ZMYM2: variants seen among roughly 807,000 people sequenced by gnomAD.
ZMYM2 encodes the protein zinc finger MYM-type protein 2.
Under a neutral mutation model 162.8 loss-of-function variants are expected in ZMYM2, and 56 were observed. The observed-to-expected ratio is 0.34, with a 90% confidence interval of 0.28 to 0.43. The LOEUF (loss-of-function observed/expected upper bound fraction) is 0.43. Among genes scored for constraint, ZMYM2 ranks in the 20% least tolerant of loss-of-function variants. ZMYM2 has a pLI of 1.00. For missense variants in ZMYM2, 1,275 were observed against 1,621.8 expected, an observed-to-expected ratio of 0.79 and a Z score of 3.67; for synonymous variants, 510 against 541.6, an observed-to-expected ratio of 0.94 and a Z score of 0.81.
chr13:19,917,982 G>A, the ZMYM2 span, among the ~76,000 whole-genome samples: 1 of 151,870 alleles, frequency 6.6e-6, no homozygotes, highest in African/African-American at 2.4e-5. Context: ...ACTTGAGTCC[G>A]GGAGATGGAA....
chr13:19,886,946 G>A, the ZMYM2 span, among the ~76,000 whole-genome samples: 1 of 151,450 alleles, frequency 6.6e-6, no homozygotes, highest in African/African-American at 2.4e-5. Flanking sequence ...ACAGACATGA[G>A]CCACCATGCC....
At chr13:19,940,690 A>T in the ZMYM2 span, among the ~76,000 whole-genome samples, 1 of 152,198 alleles carries the variant, frequency 6.6e-6, no homozygotes, top group African/African-American at 2.4e-5. Context: ...CATTTCCTTG[A>T]CTACAATTCA....
chr13:19,947,362 A>G, the ZMYM2 span, among the ~76,000 whole-genome samples: 140 of 148,700 alleles, frequency 9.4e-4, 1 homozygote, highest in Middle Eastern at 7.5e-3. Context: ...GCCCAGCCCA[A>G]TGTTTTAGGA....
the ZMYM2 span, among the ~76,000 whole-genome samples, chr13:19,908,220 G>A: frequency 6.6e-5 from 10 of 152,138 alleles, no homozygotes; most frequent in African/African-American, 1.2e-4. Context: ...CCCAGGAAGC[G>A]GAGGTTGCAG....
chr13:20,034,314 A>C lies in ZMYM2; in HGVS notation c.2029A>C (p.Ile677Leu), dbSNP rs769217602. The C allele has an allele frequency of 1.2e-6, 2 of 1,611,646 alleles. No individual in the cohort carries two copies. The highest frequency in any genetic ancestry group is 1.7e-6 in the Non-Finnish European group (2 of 1,179,148). Residue 677 changes from isoleucine to leucine, a missense_variant, in exon 11 of 25, where the codon ATA (isoleucine) becomes CTA (leucine). Around this residue, in one of 10 missense-constraint regions of ZMYM2, gnomAD observed 276 missense variants for 311.8 expected, o/e 0.89. Coordinates refer to ENST00000610343, the MANE Select transcript of ZMYM2 (RefSeq NM_197968.4). Reference protein sequence around the residue: ...CSDDYKKLHCIVTYCEYCQEE... With the variant: ...CSDDYKKLHCLVTYCEYCQEE... The stretch of plus-strand genomic sequence containing the variant: ...AGATGACTATAAGAAGTTGCATTGC[A>C]TAGTTACATATTGCGAATACTGTCA...
chr13:20,061,574 C>T (rs975589112), intron 17 of ZMYM2, among the ~76,000 whole-genome samples: 3 of 151,646 alleles, frequency 2.0e-5, no homozygotes, highest in African/African-American at 7.3e-5. Flanking sequence ...TAATAGTTAT[C>T]CCTAGTTTTT....
At chr13:20,050,551 G>A (rs2140556786) in intron 12 of ZMYM2, among the ~76,000 whole-genome samples, 1 of 151,988 alleles carries the variant, frequency 6.6e-6, no homozygotes, top group East Asian at 1.9e-4. Flanking sequence ...CTTAAATTAT[G>A]AAAAGAACTG....
intron 7 of ZMYM2, chr13:20,025,030 A>C: frequency 4.7e-6 from 1 of 213,558 alleles, no homozygotes; most frequent in Non-Finnish European, 9.5e-6. Flanking sequence ...CTTTTTCTTG[A>C]TGTTGATTGT....
chr13:19,920,531 A>G, the ZMYM2 span, among the ~76,000 whole-genome samples: 1 of 146,404 alleles, frequency 6.8e-6, no homozygotes, highest in African/African-American at 2.5e-5. Context: ...AAAAAGAGAG[A>G]CGGGAAGGAG....
At position 20,078,764 on chromosome 13, in the gene ZMYM2, T is replaced by C. The variant is rs573481163; in HGVS notation, c.3454-3252T>C. On this transcript the variant is annotated intron_variant, in intron 21 of 24. Transcript: ENST00000610343. ...ATTGGTATTTTTAAAATGTTAAATA[T>C]TTTTATATTATATGTTGGGATTACA... 1.6e-4 allele frequency among the ~76,000 whole-genome samples: 25 copies of C among 152,254 alleles called. No homozygotes were observed. The South Asian group carries it at 3.7e-3, about 23-fold the overall frequency.
At chr13:20,019,524 A>C in intron 6 of ZMYM2, 23 bp from the exon 7 acceptor site, 1 of 1,552,580 alleles carries the variant, frequency 6.4e-7, no homozygotes, top group Non-Finnish European at 8.7e-7. Context: ...GTGTTTATAA[A>C]GTCTTTTAAA....
At chr13:20,009,894 A>G (rs548893141) in intron 6 of ZMYM2, among the ~76,000 whole-genome samples, 1 of 152,320 alleles carries the variant, frequency 6.6e-6, no homozygotes, top group East Asian at 1.9e-4. Flanking sequence ...TAAATTTGAT[A>G]TAAGTATCCT....
intron 6 of ZMYM2, among the ~76,000 whole-genome samples, chr13:20,018,973 A>C (rs1951840470): frequency 6.6e-6 from 1 of 150,978 alleles, no homozygotes; most frequent in African/African-American, 2.4e-5. Context: ...CCAGCTACTC[A>C]GGAGGTTGAG....
At chr13:19,925,215 G>A in the ZMYM2 span, among the ~76,000 whole-genome samples, 1 of 152,140 alleles carries the variant, frequency 6.6e-6, no homozygotes, top group South Asian at 2.1e-4. Flanking sequence ...GTTTTCTATA[G>A]TGGCTGTGCT....
At chr13:19,977,414 A>G (rs1483246821) in intron 2 of ZMYM2, among the ~76,000 whole-genome samples, 1 of 150,906 alleles carries the variant, frequency 6.6e-6, no homozygotes, top group Non-Finnish European at 1.5e-5. Flanking sequence ...TAATCTATTT[A>G]TGTCTAAGGT....
At chr13:19,889,602 C>T in the ZMYM2 span, among the ~76,000 whole-genome samples, 1 of 151,932 alleles carries the variant, frequency 6.6e-6, no homozygotes, top group African/African-American at 2.4e-5. Flanking sequence ...TGTGCCCGGC[C>T]TCTTTTGGAA....
intron 24 of ZMYM2, among the ~76,000 whole-genome samples, chr13:20,084,376 C>G (rs73440198): frequency 0.077 from 11,766 of 152,230 alleles, 1,381 homozygotes; most frequent in African/African-American, 0.25. Context: ...TTTTCTTAAA[C>G]GGTCAGATGG....
chr13:20,064,006 G>A (rs1255548763), intron 18 of ZMYM2, among the ~76,000 whole-genome samples: 3 of 147,290 alleles, frequency 2.0e-5, no homozygotes, highest in African/African-American at 7.5e-5. Flanking sequence ...ACCTTCAAAG[G>A]AAAAATTATT....
At chr13:19,963,059 G>T (rs1207736433) in intron 2 of ZMYM2, among the ~76,000 whole-genome samples, 1 of 151,896 alleles carries the variant, frequency 6.6e-6, no homozygotes, top group Admixed American at 6.6e-5. Context: ...GACTGGTCTC[G>T]AACTCCTGAG....
Sources: gnomAD v4.1 joint callset for allele counts (sites outside exome capture counted in the v4.1 genomes callset) on GRCh38, gnomAD v4.1.1 for gene constraint, gnomAD v4.1.1 regional missense constraint, MANE v1.5 for transcripts, NCBI Gene and HGNC (gene_info 2026-07-23, HGNC 2026-07-21) for gene names.